Variants in CCNB3 observed in about 807,000 individuals in gnomAD.
CCNB3 encodes the protein cyclin B3.
In CCNB3, 12 loss-of-function variants were observed where a neutral mutation model predicts 68.0. That is an observed-to-expected ratio of 0.18 (90% CI 0.11 to 0.29). CCNB3 has a LOEUF of 0.29. CCNB3 is among the 10% of genes least tolerant of loss of function. The pLI is 1.00. For synonymous variants in CCNB3, 354 were observed against 388.9 expected, an observed-to-expected ratio of 0.91 and a Z score of 1.06; for missense variants, 904 against 993.1, an observed-to-expected ratio of 0.91 and a Z score of 1.21.
rs182052647 is a variant in CCNB3 at position 50,343,732 on chromosome X, G to A, written c.3654+1393G>A. Among the ~76,000 whole-genome samples, 510 of 111,743 alleles carry A rather than the reference G, an allele frequency of 4.6e-3. 5 individuals are homozygous for A. The highest frequency in any genetic ancestry group is 0.016 in the African/African-American group (481 of 30,740). Reference sequence around the variant, plus strand: ...AAAGAAATTTTTTTTAAAGAAGAAAGCTTATTTAATAAGGATATAAAGAAA... The same window carrying A: ...AAAGAAATTTTTTTTAAAGAAGAAAACTTATTTAATAAGGATATAAAGAAA... On this transcript the variant is annotated intron_variant, in intron 9 of 12. Coordinates refer to ENST00000376042, the MANE Select transcript of CCNB3 (RefSeq NM_033031.3).
rs371610225 is a variant in CCNB3 at position 50,312,623 on chromosome X, A to G, written c.3414A>G (p.Lys1138=). 20 of 1,184,471 alleles carry G rather than the reference A, an allele frequency of 1.7e-5. No homozygotes were observed. In the African/African-American group the frequency reaches 3.4e-4, roughly 20 times the overall value. ...MYAKEIFSYM[K]EREEQFILTD... is the part of the protein sequence containing the mutation. ...CCAAGGAAATCTTCAGTTACATGAA[A>G]GAGAGAGAGGTATTTAGGTTGCTTG... Residue 1138 remains lysine (K), a synonymous_variant, in exon 7 of 13, where the codon AAA becomes AAG. Coordinates refer to ENST00000376042, the MANE Select transcript of CCNB3 (RefSeq NM_033031.3).
intron 8 of CCNB3, among the ~76,000 whole-genome samples, chrX:50,337,927 C>T (rs889078628): frequency 2.7e-5 from 3 of 112,250 alleles, no homozygotes; most frequent in East Asian, 2.8e-4. Flanking sequence ...AGTGCAGGCA[C>T]GTCATGGGTG....
rs1557213861 is a variant in CCNB3 at position 50,308,509 on chromosome X, A to G, written c.340A>G (p.Lys114Glu). 3.4e-6 allele frequency: 4 copies of G among 1,179,883 alleles called. No individual in the cohort carries two copies. The highest frequency in any genetic ancestry group is 4.6e-6 in the Non-Finnish European group (4 of 872,142). The change falls in exon 6 of 13, where the codon AAG becomes GAG. Residue 114 changes from lysine (K) to glutamate (E), a missense_variant. This residue lies in a region of CCNB3 where 619 missense variants were observed against 609.8 expected (regional missense o/e 1.02). Coordinates refer to ENST00000376042, the MANE Select transcript of CCNB3 (RefSeq NM_033031.3). ...KKNKRNLKWH[K>E]LEVTPVVAST... ...CAGACATTGTTTCCTTCACAGGCATAAGCTGGAAGTCACACCAGTAGTAGC... is the reference window on the plus strand; with the variant it reads ...CAGACATTGTTTCCTTCACAGGCATGAGCTGGAAGTCACACCAGTAGTAGC...
chrX:50,318,351 A>G, intron 8 of CCNB3, among the ~76,000 whole-genome samples: 1 of 110,522 alleles, frequency 9.0e-6, no homozygotes, highest in South Asian at 3.9e-4. Flanking sequence ...CGTCTCTACT[A>G]AAAATACAAA....
chrX:50,310,134 A>G lies in CCNB3; in HGVS notation c.1965A>G (p.Ser655=), dbSNP rs146219939. 7.4e-6 allele frequency: 9 copies of G among 1,209,861 alleles called. No homozygotes were observed. The African/African-American group carries it at 1.2e-4, about 16-fold the overall frequency. The change falls in exon 6 of 13, where the codon TCA becomes TCG. Residue 655 remains serine (S), a synonymous_variant. Coordinates refer to ENST00000376042, the MANE Select transcript of CCNB3 (RefSeq NM_033031.3). ...KHTTLQEVSL[S]KESLAIQEKA... ...CCACCTTGCAGGAAGTGTCCCTCTC[A>G]AAAGAGTCATTGGCCATCCAAGAGA...
intron 5 of CCNB3, among the ~76,000 whole-genome samples, chrX:50,304,826 C>A (rs1299122808): frequency 1.1e-4 from 12 of 111,775 alleles, no homozygotes; most frequent in Non-Finnish European, 1.5e-4. Context: ...CAAACAACCC[C>A]ATCAACAAGT....
At chrX:50,288,112 C>T (rs897726011) in intron 3 of CCNB3, among the ~76,000 whole-genome samples, 7 of 106,734 alleles carry the variant, frequency 6.6e-5, no homozygotes, top group South Asian at 4.2e-4. Context: ...TACATTATGG[C>T]GAGTTATATA....
chrX:50,226,487 A>C (rs1384828437), intron 1 of CCNB3, among the ~76,000 whole-genome samples: 1,498 of 72,886 alleles, frequency 0.021, 43 homozygotes, highest in East Asian at 0.14. Context: ...AAATATATAT[A>C]GAATATATAA....
chrX:50,313,871 A>C lies in CCNB3; in HGVS notation c.3439A>C (p.Thr1147Pro). Residue 1147 changes from threonine (T) to proline (P), a missense_variant, in exon 8 of 13, where the codon ACA (threonine) becomes CCA (proline). By Grantham distance (38) the Thr-to-Pro change is conservative (BLOSUM62 -1). This residue lies in a region of CCNB3 where 285 missense variants were observed against 383.4 expected (regional missense o/e 0.74). Coordinates refer to ENST00000376042, the MANE Select transcript of CCNB3 (RefSeq NM_033031.3). ...TCAATGCCAGGAACAGTTTATACTTACAGATTACATGAACAGGCAGATTGA... is the reference window on the plus strand; with the variant it reads ...TCAATGCCAGGAACAGTTTATACTTCCAGATTACATGAACAGGCAGATTGA... ...MKEREEQFIL[T>P]DYMNRQIEIT... The C allele has an allele frequency of 8.3e-7, 1 of 1,205,737 alleles. No individual in the cohort carries two copies. The highest frequency in any genetic ancestry group is 1.1e-6 in the Non-Finnish European group (1 of 890,012).
chrX:50,203,733 A>C (rs1264326456), upstream of CCNB3, among the ~76,000 whole-genome samples: 1 of 112,001 alleles, frequency 8.9e-6, no homozygotes, highest in Non-Finnish European at 1.9e-5. Flanking sequence ...AAGTCTATAA[A>C]CATTATCATA....
intron 5 of CCNB3, among the ~76,000 whole-genome samples, chrX:50,298,432 G>A (rs1452907133): frequency 1.6e-4 from 18 of 111,774 alleles, no homozygotes; most frequent in Non-Finnish European, 2.4e-4. Context: ...GCTGGATTAC[G>A]TTTATTGATT....
chrX:50,330,291 C>T (rs1922530412), intron 8 of CCNB3, among the ~76,000 whole-genome samples: 1 of 111,899 alleles, frequency 8.9e-6, no homozygotes, highest in Admixed American at 9.4e-5. Flanking sequence ...TGTCTGGTAT[C>T]TATAGATAAT....
rs1454108266 is a variant in CCNB3 at position 50,222,911 on chromosome X, G to A, written c.-113+17961G>A. Among the ~76,000 whole-genome samples the A allele has an allele frequency of 4.5e-5, 5 of 111,302 alleles. No individual in the cohort carries two copies. The South Asian group carries it at 1.9e-3, about 42-fold the overall frequency. Reference sequence around the variant, plus strand: ...TCACTTTCAGGTACACGAATCAAACGTAGGTTTCATCTTTTCACATAGTCC... The same window carrying A: ...TCACTTTCAGGTACACGAATCAAACATAGGTTTCATCTTTTCACATAGTCC... On this transcript the variant is annotated intron_variant, in intron 1 of 12. Coordinates refer to ENST00000376042, the MANE Select transcript of CCNB3 (RefSeq NM_033031.3).
At position 50,308,766 on chromosome X, in the gene CCNB3, G is replaced by A. The variant is rs781978479; in HGVS notation, c.597G>A (p.Glu199=). 1 of 1,209,909 alleles carries A rather than the reference G, an allele frequency of 8.3e-7. No homozygotes were observed. The highest frequency in any genetic ancestry group is 1.7e-5 in the African/African-American group (1 of 57,207). The change falls in exon 6 of 13, where the codon GAG becomes GAA. Residue 199 remains glutamate (E), a synonymous_variant. Coordinates refer to ENST00000376042, the MANE Select transcript of CCNB3 (RefSeq NM_033031.3). ...LLEKLQPLQE[E]SDSDDAFVIE... Reference sequence around the variant, plus strand: ...AAAAGCTACAGCCCCTGCAGGAGGAGAGTGACAGTGATGATGCGTTTGTTA... The same window carrying A: ...AAAAGCTACAGCCCCTGCAGGAGGAAAGTGACAGTGATGATGCGTTTGTTA...
chrX:50,311,489 C>G lies in CCNB3; in HGVS notation c.3320C>G (p.Pro1107Arg). The G allele has an allele frequency of 8.5e-7, 1 of 1,180,071 alleles. No individual in the cohort carries two copies. The highest frequency in any genetic ancestry group is 1.8e-5 in the African/African-American group (1 of 56,987). ...GTCTCACCACAGGCCAAGGGAACAC[C>G]AAAGGAGGTATTCATCTCCCTTTCT... is the stretch of plus-strand genomic sequence containing the variant. ...KPVSPQAKGTPKEITPREDID... is the reference protein window; with the variant it reads ...KPVSPQAKGTRKEITPREDID... The change falls in exon 6 of 13, where the codon CCA (proline) becomes CGA (arginine). Residue 1107 changes from proline (P) to arginine (R), a missense_variant. Physicochemically the swap from Pro to Arg is moderately radical, Grantham distance 103. This residue lies in a region of CCNB3 where 285 missense variants were observed against 383.4 expected (regional missense o/e 0.74). Coordinates refer to ENST00000376042, the MANE Select transcript of CCNB3 (RefSeq NM_033031.3).
chrX:50,213,619 A>G (rs1168665543), intron 1 of CCNB3, among the ~76,000 whole-genome samples: 1 of 111,803 alleles, frequency 8.9e-6, no homozygotes, highest in Non-Finnish European at 1.9e-5. Flanking sequence ...TTAATTATCC[A>G]GTGAAATCAT....
At chrX:50,228,856 C>G (rs1372104926) in intron 1 of CCNB3, among the ~76,000 whole-genome samples, 5 of 53,621 alleles carry the variant, frequency 9.3e-5, no homozygotes, top group Non-Finnish European at 1.3e-4. Context: ...GAATATATAT[C>G]TAGAATATAT....
chrX:50,321,549 C>T (rs1288789475), intron 8 of CCNB3, among the ~76,000 whole-genome samples: 4 of 111,599 alleles, frequency 3.6e-5, no homozygotes, highest in African/African-American at 1.3e-4. Flanking sequence ...TTTGAAATGA[C>T]ACCTTTATCA....
At chrX:50,282,920 A>G (rs1936166523) in intron 1 of CCNB3, among the ~76,000 whole-genome samples, 1 of 111,247 alleles carries the variant, frequency 9.0e-6, no homozygotes, top group South Asian at 3.8e-4. Flanking sequence ...GTAAATAATA[A>G]TAGTGGAGTA....
Sources: gnomAD v4.1 joint callset for allele counts (sites outside exome capture counted in the v4.1 genomes callset) on GRCh38, gnomAD v4.1.1 for gene constraint, gnomAD v4.1.1 regional missense constraint, MANE v1.5 for transcripts, NCBI Gene and HGNC (gene_info 2026-07-23, HGNC 2026-07-21) for gene names.